Variants in FHIP1B observed in about 807,000 individuals in gnomAD.
FHIP1B encodes FHF complex subunit HOOK interacting protein 1B, also known as FHF complex subunit HOOK-interacting protein 1B.
Under a neutral mutation model 82.2 loss-of-function variants are expected in FHIP1B, and 28 were observed. That is an observed-to-expected ratio of 0.34 (90% confidence interval 0.25 to 0.47). The LOEUF (loss-of-function observed/expected upper bound fraction) is 0.47. Ranked by LOEUF, FHIP1B falls within the 20% of genes least tolerant of loss-of-function variation. The pLI is 1.00. For synonymous variants in FHIP1B, 585 were observed against 516.1 expected, an observed-to-expected ratio of 1.13 and a Z score of -1.81; for missense variants, 1,110 against 1,262.6, an observed-to-expected ratio of 0.88 and a Z score of 1.83.
chr11:6,218,892 T>A, intron 7 of FHIP1B, 79 bp downstream of exon 7: 1 of 1,569,314 alleles, frequency 6.4e-7, no homozygotes, highest in South Asian at 1.1e-5. Flanking sequence ...GTAACCCCTA[T>A]ATAGCCCATT....
chr11:6,230,773 G>C (rs1847677241), intron 1 of FHIP1B, among the ~76,000 whole-genome samples: 1 of 152,212 alleles, frequency 6.6e-6, no homozygotes, highest in African/African-American at 2.4e-5. Context: ...GATCCTAAAG[G>C]ATAAGGAAAG....
At chr11:6,218,350 T>C (rs1847308314) in intron 8 of FHIP1B, among the ~76,000 whole-genome samples, 200 bp from the exon 9 acceptor site, 1 of 151,960 alleles carries the variant, frequency 6.6e-6, no homozygotes, top group South Asian at 2.1e-4. Flanking sequence ...GAAGACACAA[T>C]GGAAACAGGA....
chr11:6,220,211 GA>G (rs773929070), intron 6 of FHIP1B, among the ~76,000 whole-genome samples: 5 of 152,122 alleles, frequency 3.3e-5, no homozygotes, highest in Admixed American at 6.5e-5. Flanking sequence ...ATGAGCCAAG[GA>G]ATCTGGTTGC....
rs754367421 is a variant in FHIP1B at position 6,224,126 on chromosome 11, G to C, written c.261C>G (p.Pro87=). Residue 87 remains proline (P), a synonymous_variant, in exon 3 of 12, where the codon CCC becomes CCG. Coordinates refer to ENST00000449352, the MANE Select transcript of FHIP1B (RefSeq NM_001098794.2). The part of the protein sequence containing the change: ...LTLLAEDRAV[P]SAPTGPGPLL... Reference sequence around the variant, plus strand: ...GGGGCCCAGGGCCTGTGGGGGCCGAGGGAACTGCACGGTCCTCTGCCAGCA... The same window carrying C: ...GGGGCCCAGGGCCTGTGGGGGCCGACGGAACTGCACGGTCCTCTGCCAGCA... 2.5e-6 allele frequency: 4 copies of C among 1,613,874 alleles called. No homozygotes were observed. The highest frequency in any genetic ancestry group is 3.4e-6 in the Non-Finnish European group (4 of 1,180,014).
rs1402239329 is a variant in FHIP1B at position 6,223,719 on chromosome 11, T to C, written c.668A>G (p.Glu223Gly). ...FSRLVPFVHR[E>G]GTLGQQARDA... ...ACGGGCCTGCTGGCCCAGGGTGCCCTCTCGATGCACAAAAGGGACAAGGCG... is the reference window on the plus strand; with the variant it reads ...ACGGGCCTGCTGGCCCAGGGTGCCCCCTCGATGCACAAAAGGGACAAGGCG... The change falls in exon 3 of 12, where the codon GAG becomes GGG. Residue 223 changes from glutamate to glycine, a missense_variant. By Grantham distance (98) the Glu-to-Gly change is moderately conservative. Transcript: ENST00000449352. This position sits in a 1 kb window ranked among gnomAD's most constrained non-coding sequence, Gnocchi z 4.8. The C allele has an allele frequency of 6.2e-7, 1 of 1,614,136 alleles. No homozygotes were observed. Among genetic ancestry groups the C allele is most frequent in the Non-Finnish European group, 8.5e-7 (1 of 1,180,008 alleles).
At position 6,217,945 on chromosome 11, in the gene FHIP1B, C is replaced by T. The variant is rs970008269; in HGVS notation, c.1641G>A (p.Leu547=). ...RPTPAEEPGE[L]EDNYLEYLRE... is the part of the protein sequence containing the mutation. ...GCAGATACTCCAGGTAATTGTCTTC[C>T]AGCTCTCCAGGCTCCTCTGCAGGGG... Residue 547 remains leucine (L), a synonymous_variant, in exon 9 of 12, where the codon CTG becomes CTA. Transcript: ENST00000449352. 1.2e-6 allele frequency: 2 copies of T among 1,612,914 alleles called. No homozygotes were observed. The highest frequency in any genetic ancestry group is 1.3e-5 in the African/African-American group (1 of 75,044).
At chr11:6,220,342 C>T (rs1847372337) in intron 6 of FHIP1B, among the ~76,000 whole-genome samples, 1 of 152,144 alleles carries the variant, frequency 6.6e-6, no homozygotes, top group African/African-American at 2.4e-5. Flanking sequence ...TGTCCTACGG[C>T]CTCCTGAAAG....
intron 11 of FHIP1B, 121 bp from the exon 12 acceptor site, chr11:6,211,988 G>GA (rs1847086848): frequency 2.1e-6 from 3 of 1,427,396 alleles, no homozygotes; most frequent in East Asian, 2.5e-5. Context: ...TGAGGAAATG[G>GA]AAAAAAGGAC....
intron 1 of FHIP1B, among the ~76,000 whole-genome samples, chr11:6,231,251 G>A (rs1315174291): frequency 6.6e-6 from 1 of 152,138 alleles, no homozygotes; most frequent in African/African-American, 2.4e-5. Flanking sequence ...TAAAAGAGCA[G>A]AAAGTATGAA....
rs1182384882 is a variant in FHIP1B at position 6,234,614 on chromosome 11, C to G, written c.-262G>C. 1 of 153,064 alleles carries G rather than the reference C, an allele frequency of 6.5e-6. No homozygotes were observed. Among genetic ancestry groups the G allele is most frequent in the African/African-American group, 2.4e-5 (1 of 41,474 alleles). The allele number at this position is 153,064 out of a possible 1,614,324, so 9.5% of individuals were successfully genotyped here. ...GCGGTGTTAGGTGAGTTCAGGCCGC[C>G]GCCATCGCTTCTCAAGCGCACCAGC... On this transcript the variant is annotated 5_prime_UTR_variant, in exon 1 of 12. Transcript: ENST00000449352.
rs1847437976 is a variant in FHIP1B, at chr11:6,222,471, G to A, written c.1162C>T (p.Leu388Phe). 1.9e-6 allele frequency: 3 copies of A among 1,614,076 alleles called. No homozygotes were observed. The highest frequency in any genetic ancestry group is 2.5e-6 in the Non-Finnish European group (3 of 1,180,030). The part of the protein sequence containing the change: ...RHDTHTILDT[L>F]VARIGSNSRL... ...GAGTTACTGCCAATACGAGCAACGAGGGTGTCGAGGATGGTGTGGGTGTCA... is the reference window on the plus strand; with the variant it reads ...GAGTTACTGCCAATACGAGCAACGAAGGTGTCGAGGATGGTGTGGGTGTCA... Residue 388 changes from leucine to phenylalanine, a missense_variant, in exon 6 of 12, where the codon CTC becomes TTC. By Grantham distance (22) the Leu-to-Phe change is conservative (BLOSUM62 0). Transcript: ENST00000449352.
At position 6,211,847 on chromosome 11, in the gene FHIP1B, A is replaced by T. The variant is rs779512962; in HGVS notation, c.2578T>A (p.Leu860Met). The change falls in exon 12 of 12, where the codon TTG (leucine) becomes ATG (methionine). Residue 860 changes from leucine to methionine, a missense_variant. Coordinates refer to ENST00000449352, the MANE Select transcript of FHIP1B (RefSeq NM_001098794.2). ...DPLVKSRRPS[L>M]GELLLRHAHS... ...GCATGCCGCAGGAGTAACTCCCCCA[A>T]GGATGGCCTCCGGCTCTTCACTGGG... 1 of 1,581,472 alleles carries T rather than the reference A, an allele frequency of 6.3e-7. No homozygotes were observed. The highest frequency in any genetic ancestry group is 8.6e-7 in the Non-Finnish European group (1 of 1,166,350).
At position 6,218,393 on chromosome 11, in the gene FHIP1B, G is replaced by A. The variant is rs532957095; in HGVS notation, c.1435+207C>T. Among the ~76,000 whole-genome samples, 5 of 152,302 alleles carry A rather than the reference G, an allele frequency of 3.3e-5. No homozygotes were observed. The East Asian group carries it at 9.7e-4, about 29-fold the overall frequency. On this transcript the variant is annotated intron_variant, in intron 8 of 11. Coordinates refer to ENST00000449352, the MANE Select transcript of FHIP1B (RefSeq NM_001098794.2). ...ACGACTAGAGAGAAGAACAAGAATA[G>A]CTTTGCCCAGAAGTCCCACTCTAAT...
At position 6,222,502 on chromosome 11, in the gene FHIP1B, G is replaced by C; in HGVS notation, c.1131C>G (p.His377Gln). ...CGAGGATGGTGTGGGTGTCATGCCG[G>C]TGCAACAACAGGAATCGCAGGAAGG... Reference protein sequence around the residue: ...LRTFLRFLLLHRHDTHTILDT... With the variant: ...LRTFLRFLLLQRHDTHTILDT... Residue 377 changes from histidine (H) to glutamine (Q), a missense_variant, in exon 6 of 12, where the codon CAC (histidine) becomes CAG (glutamine). Transcript: ENST00000449352. 3 of 1,614,100 alleles carry C rather than the reference G, an allele frequency of 1.9e-6. No individual in the cohort carries two copies. Among genetic ancestry groups the C allele is most frequent in the Non-Finnish European group, 2.5e-6 (3 of 1,180,016 alleles).
In FHIP1B at chr11:6,223,932, C is replaced by A. The variant is rs148132864; in HGVS notation, c.455G>T (p.Arg152Leu). The change falls in exon 3 of 12, where the codon CGT (arginine) becomes CTT (leucine). Residue 152 changes from arginine (R) to leucine (L), a missense_variant. This residue lies in a region of FHIP1B where 467 missense variants were observed against 602.9 expected (regional missense o/e 0.77). Coordinates refer to ENST00000449352, the MANE Select transcript of FHIP1B (RefSeq NM_001098794.2). The surrounding 1 kb of genome is among the most constrained non-coding windows in gnomAD (Gnocchi z 4.8). ...RQPLLRHGPV[R>L]EALLTLLDAC... Reference sequence around the variant, plus strand: ...ATCCAGCAGGGTGAGCAGAGCCTCACGAACTGGACCATGCCGCAACAGTGG... The same window carrying A: ...ATCCAGCAGGGTGAGCAGAGCCTCAAGAACTGGACCATGCCGCAACAGTGG... 6.2e-6 allele frequency: 10 copies of A among 1,614,224 alleles called. No individual in the cohort carries two copies. The highest frequency in any genetic ancestry group is 8.5e-6 in the Non-Finnish European group (10 of 1,180,038).
chr11:6,230,013 A>G (rs1847658521), intron 1 of FHIP1B, among the ~76,000 whole-genome samples: 1 of 150,966 alleles, frequency 6.6e-6, no homozygotes, highest in Non-Finnish European at 1.5e-5. Flanking sequence ...GCCACTCTCC[A>G]GATTTACCTT....
In FHIP1B at chr11:6,211,733, G is replaced by A. The variant is rs1847078295; in HGVS notation, c.2692C>T (p.Pro898Ser). The change falls in exon 12 of 12, where the codon CCT becomes TCT. Residue 898 changes from proline to serine, a missense_variant. Transcript: ENST00000449352. ...GAGLGLSGGS[P>S]GASTPVLLTR... is the part of the protein sequence containing the mutation. ...AGTAGAACTGGAGTTGAAGCCCCAG[G>A]GGAGCCCCCACTTAGGCCAAGTCCT... 1.9e-6 allele frequency: 3 copies of A among 1,614,226 alleles called. No individual in the cohort carries two copies. Among genetic ancestry groups the A allele is most frequent in the Non-Finnish European group, 2.5e-6 (3 of 1,180,034 alleles).
Position 6,222,447 on chromosome 11 carries a change from A to G in FHIP1B, c.1186T>C (p.Ser396Pro). The G allele has an allele frequency of 1.9e-6, 3 of 1,613,802 alleles. No individual in the cohort carries two copies. The highest frequency in any genetic ancestry group is 2.5e-6 in the Non-Finnish European group (3 of 1,180,012). Residue 396 changes from serine to proline, a missense_variant, in exon 6 of 12, where the codon TCC becomes CCC. By Grantham distance (74) the Ser-to-Pro change is moderately conservative. Transcript: ENST00000449352. ...DTLVARIGSN[S>P]RLCMVSLSLF... is the part of the protein sequence containing the mutation. Reference sequence around the variant, plus strand: ...GACAGGGGTAAGGGCCATACCCGGGAGTTACTGCCAATACGAGCAACGAGG... The same window carrying G: ...GACAGGGGTAAGGGCCATACCCGGGGGTTACTGCCAATACGAGCAACGAGG...
At chr11:6,219,091 T>C in intron 6 of FHIP1B, 41 bp from the exon 7 acceptor site, 1 of 1,506,502 alleles carries the variant, frequency 6.6e-7, no homozygotes, top group Non-Finnish European at 9.1e-7. Flanking sequence ...CCATAAGAGC[T>C]CTCTGCCCTC....
Sources: gnomAD v4.1 joint callset for allele counts (sites outside exome capture counted in the v4.1 genomes callset) on GRCh38, gnomAD v4.1.1 for gene constraint, gnomAD v4.1.1 regional missense constraint, Gnocchi (gnomAD v3.1) non-coding constraint, MANE v1.5 for transcripts, NCBI Gene and HGNC (gene_info 2026-07-23, HGNC 2026-07-21) for gene names.